Variants in TRAPPC9 observed in about 807,000 individuals in gnomAD.
TRAPPC9 encodes the protein IKK2 binding protein.
TRAPPC9 carries 83 observed loss-of-function variants against 124.0 expected under a neutral mutation model. The ratio of observed to expected loss-of-function variants is 0.67; its 90% CI spans 0.56 to 0.80. The LOEUF is 0.80. Ranked by LOEUF, TRAPPC9 falls within the 30% of genes least tolerant of loss-of-function variation. The probability of loss-of-function intolerance (pLI) is 0.00; values close to 1 mark genes in which losing one functional copy is unlikely to be tolerated. For missense variants in TRAPPC9, 1,302 were observed against 1,508.3 expected (o/e 0.86, Z 2.27); for synonymous variants, 638 against 617.5 (o/e 1.03, Z -0.49).
intron 9 of TRAPPC9, among the ~76,000 whole-genome samples, chr8:140,338,245 T>A (rs1182209604): frequency 6.6e-6 from 1 of 152,146 alleles, no homozygotes; most frequent in East Asian, 1.9e-4. Flanking sequence ...GCCATACGTA[T>A]AAGCAAAGCC....
chr8:140,167,280 T>C (rs961397003), intron 17 of TRAPPC9, among the ~76,000 whole-genome samples: 1 of 152,094 alleles, frequency 6.6e-6, no homozygotes, highest in Non-Finnish European at 1.5e-5. Flanking sequence ...CACTGACAAT[T>C]AGGTAAAGGA....
intron 17 of TRAPPC9, among the ~76,000 whole-genome samples, chr8:140,210,631 C>T (rs558948985): frequency 3.9e-5 from 6 of 152,250 alleles, no homozygotes; most frequent in Admixed American, 1.3e-4. Flanking sequence ...CCCAGCAAAC[C>T]GACGATTACA....
chr8:139,994,982 TTAA>T (rs1837875500), intron 18 of TRAPPC9, among the ~76,000 whole-genome samples: 1 of 15,458 alleles, frequency 6.5e-5, no homozygotes, highest in African/African-American at 1.1e-4. Flanking sequence ...TGGTTTGTGT[TTAA>T]AAAAAAAAAA....
chr8:140,092,851 A>G (rs1489595501), intron 17 of TRAPPC9, among the ~76,000 whole-genome samples: 1 of 152,276 alleles, frequency 6.6e-6, no homozygotes, highest in African/African-American at 2.4e-5. Flanking sequence ...ACTCAGATTC[A>G]GAAAGAACTT....
chr8:140,032,389 C>A, intron 17 of TRAPPC9, among the ~76,000 whole-genome samples: 1 of 150,938 alleles, frequency 6.6e-6, no homozygotes, highest in East Asian at 2.0e-4. Flanking sequence ...CAAGAAAATA[C>A]AAATGTAAAC....
intron 17 of TRAPPC9, among the ~76,000 whole-genome samples, chr8:140,032,714 C>T (rs552414179): frequency 6.6e-6 from 1 of 152,264 alleles, no homozygotes; most frequent in East Asian, 1.9e-4. Flanking sequence ...ACATAAGTTG[C>T]TTTCCATACA....
chr8:140,140,123 G>C (rs1394242913), intron 17 of TRAPPC9, among the ~76,000 whole-genome samples: 3 of 152,110 alleles, frequency 2.0e-5, no homozygotes, highest in Non-Finnish European at 4.4e-5. Context: ...GCACACGCAG[G>C]GGCAGGGAAC....
At chr8:139,966,423 C>G (rs1034804990) in intron 19 of TRAPPC9, among the ~76,000 whole-genome samples, 1 of 152,242 alleles carries the variant, frequency 6.6e-6, no homozygotes, top group Non-Finnish European at 1.5e-5. Context: ...ATGCTGCACC[C>G]TTCCTCAGCC....
At chr8:140,318,084 C>T (rs4736172) in intron 9 of TRAPPC9, among the ~76,000 whole-genome samples, 98,959 of 152,038 alleles carry the variant, frequency 0.65, 32,570 homozygotes, top group African/African-American at 0.77. Flanking sequence ...GATATGTCTC[C>T]GAGATTTTCT....
chr8:139,794,050 C>G (rs903718928), intron 21 of TRAPPC9, among the ~76,000 whole-genome samples: 12 of 152,134 alleles, frequency 7.9e-5, no homozygotes, highest in African/African-American at 2.9e-4. Flanking sequence ...AGAGGCCTCC[C>G]CTGCTGACCC....
intron 5 of TRAPPC9, among the ~76,000 whole-genome samples, chr8:140,421,371 A>G (rs939823673): frequency 6.6e-6 from 1 of 152,196 alleles, no homozygotes; most frequent in Admixed American, 6.5e-5. Context: ...TCAATATTAC[A>G]TGACTTGTCA....
chr8:140,242,567 T>C (rs2063885180), intron 16 of TRAPPC9, among the ~76,000 whole-genome samples: 1 of 152,142 alleles, frequency 6.6e-6, no homozygotes, highest in Admixed American at 6.5e-5. Context: ...CAAGCTGAAC[T>C]GGAGGTGTTT....
chr8:139,909,936 T>C (rs913838211), intron 20 of TRAPPC9, among the ~76,000 whole-genome samples: 3 of 152,188 alleles, frequency 2.0e-5, no homozygotes, highest in African/African-American at 7.2e-5. Flanking sequence ...AGACCTTTCC[T>C]CGCCCCCAAT....
At chr8:140,276,807 GAGCGGGGA>G (rs145794705) in intron 14 of TRAPPC9, among the ~76,000 whole-genome samples, 2,836 of 151,702 alleles carry the variant, frequency 0.019, 77 homozygotes, top group African/African-American at 0.063. Context: ...GAGGTGGCCA[GAGCGGGGA>G]GGCCAACATG....
At chr8:139,814,084 C>G (rs72683242) in intron 21 of TRAPPC9, among the ~76,000 whole-genome samples, 2 of 152,210 alleles carry the variant, frequency 1.3e-5, no homozygotes, top group Non-Finnish European at 2.9e-5. Context: ...TCTGAGCTCC[C>G]GCCTCTGAGC....
At chr8:140,225,707 C>T (rs188142269) in intron 16 of TRAPPC9, among the ~76,000 whole-genome samples, 278 of 152,282 alleles carry the variant, frequency 1.8e-3, no homozygotes, top group Non-Finnish European at 3.0e-3. Context: ...TGACTTCACC[C>T]AGTAAGCCGT....
chr8:139,967,154 T>G (rs1835758371), intron 19 of TRAPPC9, among the ~76,000 whole-genome samples: 1 of 152,166 alleles, frequency 6.6e-6, no homozygotes, highest in African/African-American at 2.4e-5. Flanking sequence ...CTTGTTTGAC[T>G]GAGAGCATAA....
chr8:140,407,661 T>C (rs1358611220), intron 5 of TRAPPC9, among the ~76,000 whole-genome samples: 1 of 152,150 alleles, frequency 6.6e-6, no homozygotes, highest in Non-Finnish European at 1.5e-5. Flanking sequence ...TGGAGTGCAG[T>C]GGTACTGGAG....
At chr8:140,321,333 C>T (rs1343723851) in intron 9 of TRAPPC9, among the ~76,000 whole-genome samples, 1 of 152,236 alleles carries the variant, frequency 6.6e-6, no homozygotes, top group Non-Finnish European at 1.5e-5. Context: ...AGCTCCCCCT[C>T]GCTTGTTCCC....
Sources: allele counts gnomAD v4.1 joint callset (sites outside exome capture counted in the v4.1 genomes callset), GRCh38; gene constraint gnomAD v4.1.1; transcripts MANE v1.5; gene names NCBI Gene and HGNC (gene_info 2026-07-23, HGNC 2026-07-21).